Variants in DYNC1I1 observed in about 807,000 individuals in gnomAD.
DYNC1I1 encodes cytoplasmic dynein 1 intermediate chain 1.
DYNC1I1 carries 43 observed loss-of-function variants against 86.6 expected under a neutral mutation model. That is an observed-to-expected ratio of 0.50 (90% CI 0.39 to 0.64). DYNC1I1 has a LOEUF of 0.64. DYNC1I1 is among the 30% of genes least tolerant of loss of function. The probability of loss-of-function intolerance (pLI) is 0.00; values close to 1 mark genes in which losing one functional copy is unlikely to be tolerated. For synonymous variants in DYNC1I1, 262 were observed against 283.7 expected (o/e 0.92, Z 0.77); for missense variants, 604 against 788.8 (o/e 0.77, Z 2.81).
At chr7:95,940,484 G>A (rs1238474805) in intron 6 of DYNC1I1, among the ~76,000 whole-genome samples, 1 of 152,134 alleles carries the variant, frequency 6.6e-6, no homozygotes, top group Non-Finnish European at 1.5e-5. Context: ...TTTCTTGGAG[G>A]CTTTGTTCGT....
At chr7:95,916,369 G>A (rs1791467394) in intron 6 of DYNC1I1, among the ~76,000 whole-genome samples, 1 of 152,050 alleles carries the variant, frequency 6.6e-6, no homozygotes, top group South Asian at 2.1e-4. Flanking sequence ...GGATCTGAGT[G>A]GAAAAACTGG....
chr7:96,076,153 G>C lies in DYNC1I1; in HGVS notation c.1606G>C (p.Gly536Arg). The C allele has an allele frequency of 6.2e-7, 1 of 1,614,178 alleles. No homozygotes were observed. The highest frequency in any genetic ancestry group is 8.5e-7 in the Non-Finnish European group (1 of 1,180,024). Residue 536 changes from glycine to arginine, a missense_variant, in exon 15 of 17, where the codon GGG (glycine) becomes CGG (arginine). Coordinates refer to ENST00000447467, the MANE Select transcript of DYNC1I1 (RefSeq NM_001135556.2). ...TCCTGCGCTTTTTGCCTGCGTGGAC[G>C]GGATGGGGCGCTTGGACCTCTGGAA... ...VHPALFACVD[G>R]MGRLDLWNLN...
Position 96,039,394 on chromosome 7 carries a change from C to T in DYNC1I1, c.1482C>T (p.Asp494=). 1 of 1,614,060 alleles carries T rather than the reference C, an allele frequency of 6.2e-7. No individual in the cohort carries two copies. Among genetic ancestry groups the T allele is most frequent in the Non-Finnish European group, 8.5e-7 (1 of 1,179,962 alleles). Reference sequence around the variant, plus strand: ...ACCTGTTTGTCACATCATCATTTGACTGGACTGTCAAACTGTGGACCACCA... The same window carrying T: ...ACCTGTTTGTCACATCATCATTTGATTGGACTGTCAAACTGTGGACCACCA... The part of the protein sequence containing the change: ...FSHLFVTSSF[D]WTVKLWTTKH... The change falls in exon 14 of 17, where the codon GAC becomes GAT. Residue 494 remains aspartate (D), a synonymous_variant. Transcript: ENST00000447467.
intron 16 of DYNC1I1, among the ~76,000 whole-genome samples, chr7:96,082,858 G>T (rs924055354): frequency 3.3e-5 from 5 of 152,126 alleles, no homozygotes; most frequent in Admixed American, 6.6e-5. Context: ...TTTCTAAATT[G>T]TAAAGTGTTG....
chr7:96,057,603 C>G (rs755785078), intron 14 of DYNC1I1, among the ~76,000 whole-genome samples: 1 of 152,104 alleles, frequency 6.6e-6, no homozygotes, highest in Admixed American at 6.5e-5. Context: ...TAATTTTAAT[C>G]AATGCCAGAA....
intron 16 of DYNC1I1, among the ~76,000 whole-genome samples, chr7:96,095,437 C>A (rs1040157320): frequency 6.6e-6 from 1 of 151,934 alleles, no homozygotes; most frequent in African/African-American, 2.4e-5. Flanking sequence ...TAAATTTGTA[C>A]GATTTTAACT....
chr7:95,865,389 C>G (rs576981991), intron 5 of DYNC1I1, among the ~76,000 whole-genome samples: 1 of 152,278 alleles, frequency 6.6e-6, no homozygotes, highest in African/African-American at 2.4e-5. Context: ...TATATTTCTA[C>G]ATTGTTTCTA....
intron 6 of DYNC1I1, among the ~76,000 whole-genome samples, chr7:95,939,087 T>G (rs1172592579): frequency 6.6e-6 from 1 of 152,158 alleles, no homozygotes; most frequent in African/African-American, 2.4e-5. Flanking sequence ...GTTGTTCAGT[T>G]TCCATGTAGT....
At chr7:95,892,635 T>C (rs1324150700) in intron 6 of DYNC1I1, among the ~76,000 whole-genome samples, 1 of 152,092 alleles carries the variant, frequency 6.6e-6, no homozygotes. Flanking sequence ...TTAGTAGAGA[T>C]GGGGTTTCAC....
At chr7:95,876,028 T>C (rs1790300472) in intron 6 of DYNC1I1, among the ~76,000 whole-genome samples, 1 of 152,174 alleles carries the variant, frequency 6.6e-6, no homozygotes, top group African/African-American at 2.4e-5. Context: ...TCCTCACCTG[T>C]TCTTTTCTCA....
intron 14 of DYNC1I1, among the ~76,000 whole-genome samples, chr7:96,073,512 A>G (rs958041482): frequency 5.9e-5 from 9 of 152,216 alleles, no homozygotes; most frequent in Admixed American, 3.3e-4. Context: ...TCCTTAGAAA[A>G]TGACTGTTTA....
chr7:95,883,393 G>A (rs550416936), intron 6 of DYNC1I1, among the ~76,000 whole-genome samples: 1 of 152,224 alleles, frequency 6.6e-6, no homozygotes, highest in African/African-American at 2.4e-5. Context: ...ACGGCATGTG[G>A]TTTATAGAGC....
intron 6 of DYNC1I1, among the ~76,000 whole-genome samples, chr7:95,962,695 A>C (rs1792902830): frequency 6.6e-6 from 1 of 152,230 alleles, no homozygotes; most frequent in Non-Finnish European, 1.5e-5. Flanking sequence ...TACAGGTAAT[A>C]AAGTAGATCT....
intron 3 of DYNC1I1, among the ~76,000 whole-genome samples, chr7:95,812,315 G>A (rs775025891): frequency 1.3e-5 from 2 of 152,154 alleles, no homozygotes; most frequent in Admixed American, 6.6e-5. Flanking sequence ...TTGAGAACCC[G>A]TTGAATTGCC....
chr7:95,919,223 C>T (rs573919164), intron 6 of DYNC1I1, among the ~76,000 whole-genome samples: 1 of 152,090 alleles, frequency 6.6e-6, no homozygotes, highest in Middle Eastern at 3.4e-3. Flanking sequence ...TACACTATCC[C>T]CCTCACAAAA....
chr7:95,939,490 G>T (rs886960183), intron 6 of DYNC1I1, among the ~76,000 whole-genome samples: 2 of 151,898 alleles, frequency 1.3e-5, no homozygotes, highest in African/African-American at 4.8e-5. Context: ...CCTGTATTGG[G>T]TGCATATATA....
chr7:95,969,895 G>A lies in DYNC1I1; in HGVS notation c.491-7617G>A, dbSNP rs1235311946. Among the ~76,000 whole-genome samples the A allele has an allele frequency of 2.6e-5, 4 of 152,300 alleles. No homozygotes were observed. In the East Asian group the frequency reaches 7.7e-4, roughly 29 times the overall value. The stretch of plus-strand genomic sequence containing the variant: ...TGGCCAGATGTTTCTAGACCAGAAA[G>A]TGAAGGTTTTTTCAATATTAGCATG... On this transcript the variant is annotated intron_variant, in intron 6 of 16. Coordinates refer to ENST00000447467, the MANE Select transcript of DYNC1I1 (RefSeq NM_001135556.2).
At chr7:96,006,335 T>C (rs951797617) in intron 10 of DYNC1I1, among the ~76,000 whole-genome samples, 1 of 152,184 alleles carries the variant, frequency 6.6e-6, no homozygotes, top group East Asian at 1.9e-4. Flanking sequence ...AAGACTTCAC[T>C]TTTGGAGCAG....
intron 14 of DYNC1I1, among the ~76,000 whole-genome samples, chr7:96,049,764 G>T (rs1050626094): frequency 1.3e-5 from 2 of 152,062 alleles, no homozygotes; most frequent in African/African-American, 2.4e-5. Flanking sequence ...GGGCACAGTG[G>T]CTCACACCTG....
Sources: gnomAD v4.1 joint callset for allele counts (sites outside exome capture counted in the v4.1 genomes callset) on GRCh38, gnomAD v4.1.1 for gene constraint, MANE v1.5 for transcripts, NCBI Gene and HGNC (gene_info 2026-07-23, HGNC 2026-07-21) for gene names.